Variants in ODAD2 observed in about 807,000 individuals in gnomAD.
ODAD2 encodes the protein outer dynein arm-docking complex subunit 2.
In ODAD2, 89 loss-of-function variants were observed where a neutral mutation model predicts 106.8. The observed-to-expected ratio is 0.83, with a 90% CI of 0.70 to 0.99. The LOEUF (loss-of-function observed/expected upper bound fraction) is 0.99. Ranked by LOEUF, ODAD2 falls within the 50% of genes least tolerant of loss-of-function variation. The pLI is 0.00. For missense variants in ODAD2, 1,168 were observed against 1,238.5 expected (o/e 0.94, Z 0.85); for synonymous variants, 404 against 436.2 (o/e 0.93, Z 0.92).
chr10:27,937,888 C>A (rs1005556352), intron 14 of ODAD2, among the ~76,000 whole-genome samples: 2 of 152,172 alleles, frequency 1.3e-5, no homozygotes, highest in Admixed American at 6.6e-5. Context: ...CAAGTCAGGG[C>A]TATATACGAT....
intron 17 of ODAD2, among the ~76,000 whole-genome samples, chr10:27,879,213 G>C (rs957771028): frequency 6.6e-6 from 1 of 152,024 alleles, no homozygotes; most frequent in African/African-American, 2.4e-5. Flanking sequence ...TTTAGATGCA[G>C]TATTCCATTT....
chr10:27,918,349 G>C (rs1018244965), intron 16 of ODAD2, among the ~76,000 whole-genome samples: 2 of 151,852 alleles, frequency 1.3e-5, no homozygotes, highest in African/African-American at 4.8e-5. Flanking sequence ...CCAAGGAATA[G>C]AAGTTTGGCT....
At chr10:27,892,461 C>T in intron 17 of ODAD2, among the ~76,000 whole-genome samples, 1 of 152,154 alleles carries the variant, frequency 6.6e-6, no homozygotes, top group Non-Finnish European at 1.5e-5. Context: ...AACAGACTCT[C>T]ATTTCACACT....
At chr10:27,931,514 G>A (rs1376142079) in intron 16 of ODAD2, among the ~76,000 whole-genome samples, 1 of 151,376 alleles carries the variant, frequency 6.6e-6, no homozygotes, top group Non-Finnish European at 1.5e-5. Context: ...AGGTCCTTCA[G>A]GCTTGTTGTT....
At chr10:27,971,959 C>T (rs1185148377) in intron 7 of ODAD2, among the ~76,000 whole-genome samples, 3 of 152,048 alleles carry the variant, frequency 2.0e-5, no homozygotes, top group African/African-American at 4.8e-5. Context: ...CCATGCCAGC[C>T]AGAAACATGG....
chr10:27,930,637 A>G (rs985681304), intron 16 of ODAD2, among the ~76,000 whole-genome samples: 4 of 151,850 alleles, frequency 2.6e-5, no homozygotes, highest in African/African-American at 9.7e-5. Context: ...AAAAAAAAAA[A>G]AAAGAAAAAG....
At chr10:27,885,247 C>G (rs1841995285) in intron 17 of ODAD2, among the ~76,000 whole-genome samples, 1 of 150,820 alleles carries the variant, frequency 6.6e-6, no homozygotes, top group Non-Finnish European at 1.5e-5. Context: ...CATGGTGGCT[C>G]ACACCTGTAA....
intron 16 of ODAD2, among the ~76,000 whole-genome samples, chr10:27,922,841 G>C (rs993681245): frequency 6.6e-6 from 1 of 152,108 alleles, no homozygotes; most frequent in Non-Finnish European, 1.5e-5. Flanking sequence ...AGGAAGCAGA[G>C]GTTGCAGTGA....
chr10:27,829,052 G>A (rs1837281363), intron 19 of ODAD2, among the ~76,000 whole-genome samples: 1 of 152,084 alleles, frequency 6.6e-6, no homozygotes, highest in African/African-American at 2.4e-5. Flanking sequence ...CATCCCTCAT[G>A]TGGATAAAAT....
chr10:27,935,377 T>A, intron 15 of ODAD2, 125 bp from the exon 16 acceptor site: 1 of 1,253,570 alleles, frequency 8.0e-7, no homozygotes, highest in African/African-American at 1.5e-5. Flanking sequence ...CATTACTGGA[T>A]GGTTAATCTG....
chr10:27,862,651 T>A, intron 17 of ODAD2, 29 bp from the exon 18 acceptor site: 1 of 1,554,312 alleles, frequency 6.4e-7, no homozygotes, highest in South Asian at 1.2e-5. Context: ...AAAGATGGTA[T>A]CAAAACTAAA....
At chr10:27,889,440 A>G (rs1842426012) in intron 17 of ODAD2, among the ~76,000 whole-genome samples, 1 of 152,212 alleles carries the variant, frequency 6.6e-6, no homozygotes. Flanking sequence ...AGATATAATC[A>G]TCGTAAGTGA....
intron 2 of ODAD2, among the ~76,000 whole-genome samples, chr10:27,988,721 C>T (rs1480959950): frequency 2.6e-5 from 4 of 151,844 alleles, no homozygotes; most frequent in South Asian, 2.1e-4. Flanking sequence ...TCTGACCAAC[C>T]GAGATTACTT....
At chr10:27,885,423 C>T (rs1447325052) in intron 17 of ODAD2, among the ~76,000 whole-genome samples, 32 of 135,878 alleles carry the variant, frequency 2.4e-4, no homozygotes, top group Admixed American at 2.2e-3. Context: ...GGCAGGAGAA[C>T]GGCTTGAACC....
At chr10:27,840,642 A>G (rs1838243410) in intron 19 of ODAD2, among the ~76,000 whole-genome samples, 1 of 152,216 alleles carries the variant, frequency 6.6e-6, no homozygotes, top group Non-Finnish European at 1.5e-5. Context: ...ACCTAGATCC[A>G]GGAGAAGCAG....
intron 2 of ODAD2, among the ~76,000 whole-genome samples, chr10:27,989,506 C>T (rs1205306687): frequency 3.3e-5 from 5 of 152,168 alleles, no homozygotes; most frequent in Non-Finnish European, 7.3e-5. Flanking sequence ...ACATCAAGGG[C>T]TGGCCACCAC....
chr10:27,938,889 C>T (rs962570257), intron 14 of ODAD2, among the ~76,000 whole-genome samples: 1 of 152,026 alleles, frequency 6.6e-6, no homozygotes, highest in African/African-American at 2.4e-5. Flanking sequence ...GACTGCAGGG[C>T]CGGGTACAGC....
intron 11 of ODAD2, 149 bp downstream of exon 11, chr10:27,944,667 G>T (rs1846744808): frequency 1.9e-6 from 2 of 1,032,098 alleles, no homozygotes; most frequent in South Asian, 1.6e-5. Flanking sequence ...AAAAGAGAAA[G>T]CTCAGTGAAC....
At chr10:27,939,375 A>G (rs562648382) in intron 14 of ODAD2, among the ~76,000 whole-genome samples, 44 of 151,942 alleles carry the variant, frequency 2.9e-4, no homozygotes, top group African/African-American at 1.0e-3. Context: ...CCATTACCAC[A>G]GGACAATGGT....
Sources: allele counts gnomAD v4.1 joint callset (sites outside exome capture counted in the v4.1 genomes callset), GRCh38; gene constraint gnomAD v4.1.1; transcripts MANE v1.5; gene names NCBI Gene and HGNC (gene_info 2026-07-23, HGNC 2026-07-21).